Variants in FANCB observed in about 807,000 individuals in gnomAD.
FANCB encodes FA complementation group B, also known as Fanconi anemia group B protein.
A neutral mutation model predicts 38.9 loss-of-function variants in FANCB; 5 were observed. The ratio of observed to expected loss-of-function variants is 0.13; its 90% CI spans 0.07 to 0.27. The LOEUF is 0.27. Ranked by LOEUF, FANCB falls within the 10% of genes least tolerant of loss-of-function variation. FANCB has a pLI of 1.00. For missense variants in FANCB, 573 were observed against 602.7 expected (o/e 0.95, Z 0.52); for synonymous variants, 236 against 215.4 (o/e 1.10, Z -0.84).
At chrX:14,750,412 G>T in the FANCB span, among the ~76,000 whole-genome samples, 1 of 112,049 alleles carries the variant, frequency 8.9e-6, no homozygotes, top group Non-Finnish European at 1.9e-5. Flanking sequence ...CATCACCATG[G>T]CTCAAAGTCT....
At chrX:14,706,844 T>C in the FANCB span, among the ~76,000 whole-genome samples, 1 of 112,255 alleles carries the variant, frequency 8.9e-6, no homozygotes, top group South Asian at 3.7e-4. Context: ...AACTTCATTC[T>C]GGAAAGCACA....
intron 3 of FANCB, among the ~76,000 whole-genome samples, chrX:14,862,682 A>C (rs1387642839): frequency 8.9e-6 from 1 of 112,119 alleles, no homozygotes; most frequent in Non-Finnish European, 1.9e-5. Flanking sequence ...GCTACTACTA[A>C]CTGAGTTCCT....
chrX:14,739,782 T>C, the FANCB span, among the ~76,000 whole-genome samples: 1 of 112,322 alleles, frequency 8.9e-6, no homozygotes, highest in South Asian at 3.7e-4. Context: ...CTATTTCTAC[T>C]CTGGGTGCAA....
intron 5 of FANCB, among the ~76,000 whole-genome samples, chrX:14,854,382 A>C (rs1020756780): frequency 8.9e-6 from 1 of 111,914 alleles, no homozygotes; most frequent in Non-Finnish European, 1.9e-5. Context: ...AGGACAATAT[A>C]GTGATTGAGT....
downstream of FANCB, among the ~76,000 whole-genome samples, chrX:14,839,068 C>A (rs768182531): frequency 9.0e-6 from 1 of 110,980 alleles, no homozygotes; most frequent in South Asian, 3.8e-4. Flanking sequence ...TCGAGGAGGG[C>A]GGATCACCTG....
the FANCB span, among the ~76,000 whole-genome samples, chrX:14,828,386 C>T: frequency 2.7e-5 from 3 of 112,308 alleles, no homozygotes; most frequent in African/African-American, 9.7e-5. Context: ...GGAGTCAATC[C>T]TCTCAACCCC....
At chrX:14,752,373 T>A in the FANCB span, among the ~76,000 whole-genome samples, 3 of 112,220 alleles carry the variant, frequency 2.7e-5, no homozygotes, top group East Asian at 5.6e-4. Context: ...CTAGCAATCA[T>A]TGATCAACAC....
the FANCB span, among the ~76,000 whole-genome samples, chrX:14,829,662 C>T: frequency 2.7e-5 from 3 of 111,820 alleles, no homozygotes; most frequent in South Asian, 1.1e-3. Context: ...CATGAACCAA[C>T]CTTTTCTATC....
chrX:14,856,381 T>C (rs1164898629), intron 5 of FANCB, among the ~76,000 whole-genome samples: 1 of 112,125 alleles, frequency 8.9e-6, no homozygotes, highest in Non-Finnish European at 1.9e-5. Context: ...TATAGAAGAA[T>C]GTACTTTTAT....
chrX:14,866,429 C>T (rs771338047), intron 2 of FANCB, among the ~76,000 whole-genome samples: 12 of 111,032 alleles, frequency 1.1e-4, no homozygotes, highest in Non-Finnish European at 2.1e-4. Context: ...AGCAAGAAAG[C>T]CTTATTTTAA....
intron 3 of FANCB, among the ~76,000 whole-genome samples, chrX:14,859,585 C>T (rs759818583): frequency 1.8e-5 from 2 of 111,953 alleles, no homozygotes; most frequent in East Asian, 5.6e-4. Flanking sequence ...GGGACTGTCA[C>T]ATTCTTGATT....
In FANCB at chrX:14,843,918, G is replaced by T. The variant is rs201070097; in HGVS notation, c.2229C>A (p.Phe743Leu). Residue 743 changes from phenylalanine to leucine, a missense_variant, in exon 10 of 10, where the codon TTC (phenylalanine) becomes TTA (leucine). By Grantham distance (22) the Phe-to-Leu change is conservative (BLOSUM62 0). Coordinates refer to ENST00000650831, the MANE Select transcript of FANCB (RefSeq NM_001018113.3). Reference protein sequence around the residue: ...NLIRILPINCFLKNLKSGSEN... With the variant: ...NLIRILPINCLLKNLKSGSEN... ...CACTTCCTGATTTTAGATTTTTGAG[G>T]AAACAGTTTATAGGGAGAATTCTGA... The T allele has an allele frequency of 8.3e-7, 1 of 1,201,711 alleles. No homozygotes were observed. The highest frequency in any genetic ancestry group is 1.1e-6 in the Non-Finnish European group (1 of 887,815).
the FANCB span, among the ~76,000 whole-genome samples, chrX:14,755,664 C>T: frequency 2.7e-5 from 3 of 111,360 alleles, no homozygotes; most frequent in African/African-American, 9.8e-5. Context: ...TACATATAAA[C>T]AGAAAGCTAT....
the FANCB span, among the ~76,000 whole-genome samples, chrX:14,769,501 A>G: frequency 1.8e-5 from 2 of 111,523 alleles, no homozygotes; most frequent in African/African-American, 6.5e-5. Context: ...GTCATTGGTG[A>G]TATCTTCCTT....
chrX:14,721,185 A>C, the FANCB span, among the ~76,000 whole-genome samples: 1 of 110,677 alleles, frequency 9.0e-6, no homozygotes, highest in East Asian at 2.8e-4. Context: ...TTCATTAGAC[A>C]AAAGCTATAC....
the FANCB span, among the ~76,000 whole-genome samples, chrX:14,770,536 C>A: frequency 9.0e-6 from 1 of 111,602 alleles, no homozygotes; most frequent in African/African-American, 3.3e-5. Context: ...TGTCTTTGCA[C>A]GAGATGGGTC....
chrX:14,715,953 A>G, the FANCB span, among the ~76,000 whole-genome samples: 79 of 111,918 alleles, frequency 7.1e-4, no homozygotes, highest in Admixed American at 1.4e-3. Context: ...ATTAAAATGT[A>G]GGTCCCTTGT....
the FANCB span, among the ~76,000 whole-genome samples, chrX:14,740,953 A>AGCACACGC: frequency 9.4e-4 from 103 of 110,057 alleles, no homozygotes; most frequent in African/African-American, 3.2e-3. Context: ...CTAATACACA[A>AGCACACGC]ACACATGCAC....
At chrX:14,783,316 A>G in the FANCB span, among the ~76,000 whole-genome samples, 2 of 112,037 alleles carry the variant, frequency 1.8e-5, no homozygotes, top group Non-Finnish European at 3.8e-5. Flanking sequence ...AGTGACCTGG[A>G]AAGAGTACAA....
Sources: allele counts gnomAD v4.1 joint callset (sites outside exome capture counted in the v4.1 genomes callset), GRCh38; gene constraint gnomAD v4.1.1; transcripts MANE v1.5; gene names NCBI Gene and HGNC (gene_info 2026-07-23, HGNC 2026-07-21).